Variants in MMP16 observed in about 807,000 individuals in gnomAD.
MMP16 encodes the protein matrix metallopeptidase 16.
Under a neutral mutation model 67.8 loss-of-function variants are expected in MMP16, and 12 were observed. The observed-to-expected ratio is 0.18, with a 90% CI of 0.11 to 0.29. The LOEUF is 0.29. Ranked by LOEUF, MMP16 falls within the 10% of genes least tolerant of loss-of-function variation. The pLI is 1.00. For synonymous variants in MMP16, 249 were observed against 255.9 expected (o/e 0.97, Z 0.26); for missense variants, 475 against 765.7 (o/e 0.62, Z 4.48).
In MMP16 at chr8:88,116,522, C is replaced by T. The variant is rs772106112; in HGVS notation, c.1068G>A (p.Glu356=). The change falls in exon 6 of 10, where the codon GAG becomes GAA. Residue 356 remains glutamate (E), a synonymous_variant. Coordinates refer to ENST00000286614, the MANE Select transcript of MMP16 (RefSeq NM_005941.5). ...AGTCTCCTACCTTGAAAACAAACAT[C>T]TCACGACGAAGAATAGCTAGAGTGT... ...NFNTLAILRR[E]MFVFKDQWFW... is the part of the protein sequence containing the mutation. 1 of 1,613,148 alleles carries T rather than the reference C, an allele frequency of 6.2e-7. No individual in the cohort carries two copies.
intron 6 of MMP16, among the ~76,000 whole-genome samples, chr8:88,092,831 T>A (rs1808960771): frequency 6.6e-6 from 1 of 151,892 alleles, no homozygotes; most frequent in Admixed American, 6.6e-5. Flanking sequence ...TCATATTGTA[T>A]GTGTAAGTAT....
chr8:88,048,260 A>C (rs921282825), intron 8 of MMP16, among the ~76,000 whole-genome samples: 1 of 152,122 alleles, frequency 6.6e-6, no homozygotes, highest in Non-Finnish European at 1.5e-5. Flanking sequence ...TACAAGTAAA[A>C]GCAAAGCTCA....
intron 9 of MMP16, among the ~76,000 whole-genome samples, chr8:88,043,071 A>C (rs1239152438): frequency 1.3e-5 from 2 of 152,186 alleles, no homozygotes; most frequent in African/African-American, 4.8e-5. Flanking sequence ...TTATGGAAGA[A>C]GCATTGGGTT....
At chr8:88,185,719 G>C (rs1563556637) in intron 3 of MMP16, among the ~76,000 whole-genome samples, 1 of 152,084 alleles carries the variant, frequency 6.6e-6, no homozygotes, top group Non-Finnish European at 1.5e-5. Context: ...TAGTTGAAAA[G>C]CTATTTTAGG....
chr8:88,059,390 G>T (rs78652724), intron 7 of MMP16, among the ~76,000 whole-genome samples: 3,307 of 152,150 alleles, frequency 0.022, 104 homozygotes, highest in African/African-American at 0.074. Context: ...AGTCATAAAT[G>T]ACTATCTCTG....
chr8:88,110,729 T>G (rs1809320791), intron 6 of MMP16, among the ~76,000 whole-genome samples: 1 of 151,718 alleles, frequency 6.6e-6, no homozygotes, highest in Non-Finnish European at 1.5e-5. Flanking sequence ...AACAACAAAC[T>G]GTTTCACTCA....
At chr8:88,132,626 G>C (rs1808051554) in intron 4 of MMP16, among the ~76,000 whole-genome samples, 1 of 148,830 alleles carries the variant, frequency 6.7e-6, no homozygotes, top group African/African-American at 2.6e-5. Flanking sequence ...TGACTGATGA[G>C]ACAGACAGAA....
intron 4 of MMP16, among the ~76,000 whole-genome samples, chr8:88,146,335 C>T (rs760462554): frequency 1.3e-5 from 2 of 151,862 alleles, no homozygotes; most frequent in Non-Finnish European, 2.9e-5. Flanking sequence ...AACTTGAAAA[C>T]AGAATATTGC....
chr8:88,138,590 C>T (rs575416260), intron 4 of MMP16, among the ~76,000 whole-genome samples: 6 of 152,134 alleles, frequency 3.9e-5, no homozygotes, highest in Non-Finnish European at 7.4e-5. Context: ...TGGCCTCACA[C>T]TCCAATTTGT....
chr8:88,137,364 T>C (rs1325667687), intron 4 of MMP16, among the ~76,000 whole-genome samples: 4 of 151,978 alleles, frequency 2.6e-5, no homozygotes, highest in Non-Finnish European at 5.9e-5. Flanking sequence ...GGATAAGGAA[T>C]ACCGAACCTG....
At chr8:88,042,602 A>T (rs1808147596) in intron 9 of MMP16, among the ~76,000 whole-genome samples, 1 of 152,208 alleles carries the variant, frequency 6.6e-6, no homozygotes, top group East Asian at 1.9e-4. Flanking sequence ...TTAAGAATAA[A>T]ATACAACATA....
chr8:88,082,109 T>C (rs891968428), intron 6 of MMP16, among the ~76,000 whole-genome samples: 8 of 151,812 alleles, frequency 5.3e-5, no homozygotes, highest in African/African-American at 1.9e-4. Context: ...CCCCCAAACC[T>C]TATAGAAAAA....
At chr8:88,163,507 C>T (rs1586184163) in intron 4 of MMP16, among the ~76,000 whole-genome samples, 1 of 151,968 alleles carries the variant, frequency 6.6e-6, no homozygotes, top group East Asian at 1.9e-4. Context: ...AGAATTGCAA[C>T]TACGTGGTAA....
At chr8:88,302,432 T>C (rs1008606646) in intron 1 of MMP16, among the ~76,000 whole-genome samples, 4 of 152,226 alleles carry the variant, frequency 2.6e-5, no homozygotes, top group East Asian at 1.9e-4. Context: ...TTTGCGTCCC[T>C]TGTTATATTA....
At chr8:88,075,846 A>T (rs1563524551) in intron 6 of MMP16, among the ~76,000 whole-genome samples, 2 of 151,730 alleles carry the variant, frequency 1.3e-5, no homozygotes, top group Admixed American at 1.3e-4. Flanking sequence ...ATATTATATA[A>T]GTGATTTATT....
chr8:88,286,496 A>T (rs59544142), intron 1 of MMP16, among the ~76,000 whole-genome samples: 15,390 of 152,096 alleles, frequency 0.1, 932 homozygotes, highest in South Asian at 0.17. Context: ...ACTCCTAATA[A>T]AAGCATTTTA....
intron 4 of MMP16, among the ~76,000 whole-genome samples, chr8:88,139,243 T>C (rs1379271846): frequency 6.6e-6 from 1 of 152,102 alleles, no homozygotes; most frequent in Admixed American, 6.6e-5. Flanking sequence ...CAAATTTACC[T>C]CAGCATTTTT....
chr8:88,078,682 G>GA (rs1452255950), intron 6 of MMP16, among the ~76,000 whole-genome samples: 1 of 151,926 alleles, frequency 6.6e-6, no homozygotes, highest in Non-Finnish European at 1.5e-5. Context: ...CTCCGTCTCA[G>GA]AAAAAAACAA....
chr8:88,285,272 T>A (rs1333237961), intron 1 of MMP16, among the ~76,000 whole-genome samples: 1 of 152,108 alleles, frequency 6.6e-6, no homozygotes, highest in Non-Finnish European at 1.5e-5. Flanking sequence ...CCCGAGTAGC[T>A]GGGATTACAG....
Sources: allele counts gnomAD v4.1 joint callset (sites outside exome capture counted in the v4.1 genomes callset), GRCh38; gene constraint gnomAD v4.1.1; transcripts MANE v1.5; gene names NCBI Gene and HGNC (gene_info 2026-07-23, HGNC 2026-07-21).